Variants in RASAL2 observed in about 807,000 individuals in gnomAD.
The protein encoded by RASAL2 is RAS protein activator like 2, also known as ras GTPase-activating protein nGAP.
A neutral mutation model predicts 128.9 loss-of-function variants in RASAL2; 58 were observed. That is an observed-to-expected ratio of 0.45 (90% confidence interval 0.36 to 0.56). The LOEUF is 0.56. Ranked by LOEUF, RASAL2 falls within the 20% of genes least tolerant of loss-of-function variation. The pLI is 0.00. For missense variants in RASAL2, 1,360 were observed against 1,601.6 expected (o/e 0.85, Z 2.57); for synonymous variants, 561 against 580.8 (o/e 0.97, Z 0.49).
In RASAL2 at chr1:178,365,383, G is replaced by A. The variant is rs190968874; in HGVS notation, c.458-24717G>A. Among the ~76,000 whole-genome samples, 4 of 152,172 alleles carry A rather than the reference G, an allele frequency of 2.6e-5. No homozygotes were observed. The East Asian group carries it at 7.7e-4, about 29-fold the overall frequency. ...GGAAAAGTATTGTACATGTACAAAGGAGTATCAAGATAGAGATGCAATCAT... is the reference window on the plus strand; with the variant it reads ...GGAAAAGTATTGTACATGTACAAAGAAGTATCAAGATAGAGATGCAATCAT... On this transcript the variant is annotated intron_variant, in intron 3 of 17. Transcript: ENST00000367649.
At chr1:178,224,021 G>A (rs1663705469) in intron 1 of RASAL2, among the ~76,000 whole-genome samples, 1 of 152,120 alleles carries the variant, frequency 6.6e-6, no homozygotes, top group South Asian at 2.1e-4. Flanking sequence ...ATATGAGTAT[G>A]TTGCTCAAAG....
chr1:178,157,330 T>C (rs973241940), intron 1 of RASAL2, among the ~76,000 whole-genome samples: 3 of 152,166 alleles, frequency 2.0e-5, no homozygotes, highest in African/African-American at 7.2e-5. Context: ...GCCAAATGCT[T>C]CTGTGGACCA....
At chr1:178,173,073 G>A (rs316274) in intron 1 of RASAL2, among the ~76,000 whole-genome samples, 39,841 of 151,950 alleles carry the variant, frequency 0.26, 6,225 homozygotes, top group Middle Eastern at 0.37. Flanking sequence ...CACTTTGTGG[G>A]AATATCCATG....
At chr1:178,185,072 G>A (rs996768695) in intron 1 of RASAL2, among the ~76,000 whole-genome samples, 1 of 148,206 alleles carries the variant, frequency 6.7e-6, no homozygotes, top group East Asian at 2.0e-4. Context: ...TCTTTTTGTT[G>A]TATGTGTGGG....
intron 1 of RASAL2, among the ~76,000 whole-genome samples, chr1:178,208,641 T>C (rs1663145741): frequency 6.6e-6 from 1 of 152,220 alleles, no homozygotes; most frequent in East Asian, 1.9e-4. Context: ...GTTGGACCCT[T>C]ATCAGTAGTT....
At chr1:178,384,448 T>C (rs1672443753) in intron 3 of RASAL2, among the ~76,000 whole-genome samples, 1 of 152,152 alleles carries the variant, frequency 6.6e-6, no homozygotes, top group South Asian at 2.1e-4. Context: ...TCTCAGGGGC[T>C]ACAGCAAAGA....
In RASAL2 at chr1:178,390,093, T is replaced by A. The variant is rs1020990870; in HGVS notation, c.458-7T>A. 2.5e-6 allele frequency: 4 copies of A among 1,584,934 alleles called. No homozygotes were observed. The highest frequency in any genetic ancestry group is 3.4e-6 in the Non-Finnish European group (4 of 1,167,464). ...AATGATGTTTCAACTTTCCTCCTTT[T>A]TTCCAGAGGTACCAGCAGAAAGGTC... On this transcript the variant is annotated splice_region_variant and splice_polypyrimidine_tract_variant and intron_variant, in intron 3 of 17. Coordinates refer to ENST00000367649, the MANE Select transcript of RASAL2 (RefSeq NM_170692.4).
chr1:178,204,753 T>C (rs1428122380), intron 1 of RASAL2, among the ~76,000 whole-genome samples: 1 of 152,218 alleles, frequency 6.6e-6, no homozygotes, highest in East Asian at 1.9e-4. Flanking sequence ...TCACAGGTTT[T>C]TTCAATTATG....
intron 1 of RASAL2, among the ~76,000 whole-genome samples, chr1:178,165,136 C>T (rs1267091223): frequency 1.3e-5 from 2 of 151,820 alleles, no homozygotes. Context: ...TGAGAGACAT[C>T]CTGGAGCCAG....
intron 3 of RASAL2, among the ~76,000 whole-genome samples, chr1:178,355,491 A>G (rs1448195837): frequency 6.6e-6 from 1 of 152,222 alleles, no homozygotes; most frequent in East Asian, 1.9e-4. Flanking sequence ...TTCCATCTAA[A>G]TTGTAGACCT....
chr1:178,324,737 C>G (rs879384263), intron 3 of RASAL2, among the ~76,000 whole-genome samples: 2 of 152,102 alleles, frequency 1.3e-5, no homozygotes, highest in Non-Finnish European at 2.9e-5. Context: ...GCATATGGCT[C>G]TCTTTTTAGG....
At chr1:178,330,739 G>GA (rs1029430579) in intron 3 of RASAL2, among the ~76,000 whole-genome samples, 6 of 151,898 alleles carry the variant, frequency 4.0e-5, no homozygotes, top group African/African-American at 9.7e-5. Flanking sequence ...GTTTTTGAGG[G>GA]AAAAAAATAC....
chr1:178,214,805 G>T (rs543596649), intron 1 of RASAL2, among the ~76,000 whole-genome samples: 1 of 151,988 alleles, frequency 6.6e-6, no homozygotes, highest in Non-Finnish European at 1.5e-5. Flanking sequence ...TGATCTGCCC[G>T]CCTCGGCCTC....
intron 1 of RASAL2, among the ~76,000 whole-genome samples, chr1:178,100,318 C>G (rs556150388): frequency 1.6e-4 from 24 of 151,148 alleles, no homozygotes; most frequent in Non-Finnish European, 3.1e-4. Flanking sequence ...GAGTTTGAGA[C>G]CAGCCTGGCC....
At chr1:178,150,506 C>G (rs946753658) in intron 1 of RASAL2, among the ~76,000 whole-genome samples, 20 of 151,904 alleles carry the variant, frequency 1.3e-4, no homozygotes, top group Non-Finnish European at 2.9e-5. Flanking sequence ...GTTTTTTAAA[C>G]CAAAATAAGA....
intron 1 of RASAL2, among the ~76,000 whole-genome samples, chr1:178,108,751 G>A (rs1420281491): frequency 3.9e-5 from 6 of 152,118 alleles, no homozygotes; most frequent in Non-Finnish European, 7.4e-5. Flanking sequence ...TTACCTGTGA[G>A]TTTTATATTA....
intron 3 of RASAL2, among the ~76,000 whole-genome samples, chr1:178,329,184 A>C (rs1669177197): frequency 1.3e-5 from 2 of 152,204 alleles, no homozygotes; most frequent in Admixed American, 1.3e-4. Context: ...CCGCATGGTG[A>C]TAAATGCAAT....
At chr1:178,358,743 T>C (rs1322061137) in intron 3 of RASAL2, among the ~76,000 whole-genome samples, 1 of 152,178 alleles carries the variant, frequency 6.6e-6, no homozygotes, top group Non-Finnish European at 1.5e-5. Flanking sequence ...GTTGAACATT[T>C]ATATACCCTA....
chr1:178,345,670 A>G (rs150394103), intron 3 of RASAL2, among the ~76,000 whole-genome samples: 1 of 152,292 alleles, frequency 6.6e-6, no homozygotes, highest in East Asian at 1.9e-4. Context: ...CCCTACTTCA[A>G]TCACTCTTCT....
Sources: allele counts gnomAD v4.1 joint callset (sites outside exome capture counted in the v4.1 genomes callset), GRCh38; gene constraint gnomAD v4.1.1; transcripts MANE v1.5; gene names NCBI Gene and HGNC (gene_info 2026-07-23, HGNC 2026-07-21).